The following ANAPC5 variants were observed in gnomAD, a reference collection of about 807,000 sequenced individuals.
The protein encoded by ANAPC5 is anaphase-promoting complex subunit 5.
ANAPC5 carries 60 observed loss-of-function variants against 91.3 expected under a neutral mutation model. That is an observed-to-expected ratio of 0.66 (90% CI 0.53 to 0.81). The LOEUF is 0.81. Ranked by LOEUF, ANAPC5 falls within the 40% of genes least tolerant of loss-of-function variation. ANAPC5 has a pLI of 0.00. For synonymous variants in ANAPC5, 340 were observed against 364.1 expected, an observed-to-expected ratio of 0.93 and a Z score of 0.75; for missense variants, 690 against 931.5, an observed-to-expected ratio of 0.74 and a Z score of 3.37.
intron 16 of ANAPC5, 139 bp from the exon 17 acceptor site, chr12:121,308,830 C>G: frequency 1.3e-6 from 1 of 761,852 alleles, no homozygotes; most frequent in African/African-American, 1.7e-5. Flanking sequence ...AGAGAAAAAA[C>G]AAACCACTAG....
At chr12:121,320,293 T>C (rs967713611) in intron 12 of ANAPC5, 92 bp downstream of exon 12, 4 of 1,246,126 alleles carry the variant, frequency 3.2e-6, no homozygotes, top group Non-Finnish European at 4.6e-6. Flanking sequence ...CTCAATATTA[T>C]TTTTCTGAGG....
At chr12:121,329,814 C>A (rs549022783) in intron 9 of ANAPC5, among the ~76,000 whole-genome samples, 1 of 152,002 alleles carries the variant, frequency 6.6e-6, no homozygotes, top group Admixed American at 6.6e-5. Flanking sequence ...AGGGTTTCAC[C>A]ATGTTGGCCA....
chr12:121,321,979 C>T (rs1296961077), intron 11 of ANAPC5, among the ~76,000 whole-genome samples: 1 of 151,740 alleles, frequency 6.6e-6, no homozygotes, highest in African/African-American at 2.4e-5. Context: ...GATTCTCCTG[C>T]CTCAGCCTCC....
chr12:121,344,951 T>C (rs886382389), intron 4 of ANAPC5, among the ~76,000 whole-genome samples: 1 of 152,238 alleles, frequency 6.6e-6, no homozygotes, highest in African/African-American at 2.4e-5. Flanking sequence ...TCTTAGGGGC[T>C]TCCCCAGATG....
rs1555273345 is a variant in ANAPC5, at chr12:121,335,545, C to T, written c.938G>A (p.Arg313His). 5 of 1,603,994 alleles carry T rather than the reference C, an allele frequency of 3.1e-6. No individual in the cohort carries two copies. The Admixed American group carries it at 5.1e-5, about 16-fold the overall frequency. ...TCTATAAACTTACTAGTGACCGAAG[C>T]GGCAGTGCAGGGCGGCAAGATTCAG... ...AALNLAALHC[R>H]FGHYQQAELA... Residue 313 changes from arginine (R) to histidine (H), a missense_variant, in exon 7 of 17, where the codon CGC (arginine) becomes CAC (histidine). Around this residue, in one of 5 missense-constraint regions of ANAPC5, gnomAD observed 83 missense variants for 150.8 expected, o/e 0.55. Coordinates refer to ENST00000261819, the MANE Select transcript of ANAPC5 (RefSeq NM_016237.5).
intron 16 of ANAPC5, among the ~76,000 whole-genome samples, 156 bp from the exon 17 acceptor site, chr12:121,308,847 GT>G (rs1169939105): frequency 6.6e-6 from 1 of 152,144 alleles, no homozygotes; most frequent in Non-Finnish European, 1.5e-5. Flanking sequence ...CTAGGGTGAG[GT>G]TTTCAAAAAG....
At chr12:121,323,156 T>A (rs531461251) in intron 11 of ANAPC5, among the ~76,000 whole-genome samples, 2 of 152,354 alleles carry the variant, frequency 1.3e-5, no homozygotes, top group African/African-American at 4.8e-5. Context: ...AACTCTGTGC[T>A]TTTCTTCCTC....
intron 5 of ANAPC5, among the ~76,000 whole-genome samples, chr12:121,339,140 C>T (rs566692810): frequency 3.3e-5 from 5 of 151,190 alleles, no homozygotes; most frequent in African/African-American, 1.2e-4. Context: ...CTGCAACCTC[C>T]ACCTCTCAGG....
At chr12:121,340,516 T>C (rs1555273995) in intron 5 of ANAPC5, among the ~76,000 whole-genome samples, 2 of 152,016 alleles carry the variant, frequency 1.3e-5, no homozygotes, top group South Asian at 2.1e-4. Flanking sequence ...TTGAAATTCA[T>C]CTGCAGAGGT....
rs372759993 is a variant in ANAPC5 at position 121,352,377 on chromosome 12, T to G, written c.-37A>C. ...ACTAAGTCTCGGGCCCGCGGCGCGC[T>G]GCCGCCAGTTGTCACCACAAGGCAC... is the stretch of plus-strand genomic sequence containing the variant. On this transcript the variant is annotated 5_prime_UTR_variant, in exon 1 of 17. Transcript: ENST00000261819. 1.7e-4 allele frequency: 255 copies of G among 1,534,396 alleles called. 2 individuals carry two copies. Among genetic ancestry groups the G allele is most frequent in the Admixed American group, 1.5e-3 (76 of 52,152 alleles).
chr12:121,330,482 C>T (rs1305954921), intron 9 of ANAPC5, 101 bp downstream of exon 9: 2 of 893,014 alleles, frequency 2.2e-6, no homozygotes, highest in East Asian at 5.2e-5. Flanking sequence ...CACTTTGAAA[C>T]CCATTCTAAA....
upstream of ANAPC5, among the ~76,000 whole-genome samples, chr12:121,352,718 T>TTGGTGGTGG (rs377308371): frequency 1.5e-4 from 15 of 102,374 alleles, no homozygotes; most frequent in South Asian, 3.7e-4. Context: ...GTTGTTGTTG[T>TTGGTGGTGG]TGGTGGTGGT....
chr12:121,349,258 G>T (rs989692556), intron 1 of ANAPC5, among the ~76,000 whole-genome samples: 2 of 152,148 alleles, frequency 1.3e-5, no homozygotes, highest in Non-Finnish European at 1.5e-5. Flanking sequence ...CATACATTTT[G>T]ATTAAAACTA....
At chr12:121,325,370 G>A (rs1297954994) in intron 11 of ANAPC5, among the ~76,000 whole-genome samples, 1 of 151,916 alleles carries the variant, frequency 6.6e-6, no homozygotes, top group Non-Finnish European at 1.5e-5. Flanking sequence ...GGCTGAGGTA[G>A]GAGAATCGCT....
At chr12:121,326,449 G>T (rs1250027573) in intron 11 of ANAPC5, 3 of 152,226 alleles carry the variant, frequency 2.0e-5, no homozygotes, top group Non-Finnish European at 4.4e-5. Flanking sequence ...AAAGCCTACA[G>T]TAGCAGAAGA....
chr12:121,314,072 A>G (rs1902262844), intron 15 of ANAPC5, among the ~76,000 whole-genome samples: 1 of 152,198 alleles, frequency 6.6e-6, no homozygotes, highest in South Asian at 2.1e-4. Flanking sequence ...CAGGAATGCA[A>G]GGTAGTTCAA....
At chr12:121,330,119 G>A (rs1249241804) in intron 9 of ANAPC5, among the ~76,000 whole-genome samples, 1 of 152,052 alleles carries the variant, frequency 6.6e-6, no homozygotes, top group African/African-American at 2.4e-5. Context: ...GCCACACTTG[G>A]TTTCTGTCAC....
intron 13 of ANAPC5, among the ~76,000 whole-genome samples, chr12:121,319,023 A>G (rs1342079099): frequency 6.6e-6 from 1 of 152,068 alleles, no homozygotes; most frequent in Non-Finnish European, 1.5e-5. Context: ...CTGCCTCAAA[A>G]AAAAAAAATG....
intron 6 of ANAPC5, among the ~76,000 whole-genome samples, chr12:121,336,768 G>C (rs1207843841): frequency 4.6e-5 from 7 of 152,208 alleles, no homozygotes; most frequent in Non-Finnish European, 1.0e-4. Flanking sequence ...GATGATGACT[G>C]AAAGAGAACA....
Sources: allele counts gnomAD v4.1 joint callset (sites outside exome capture counted in the v4.1 genomes callset), GRCh38; gene constraint gnomAD v4.1.1; regional missense constraint gnomAD v4.1.1; transcripts MANE v1.5; gene names NCBI Gene and HGNC (gene_info 2026-07-23, HGNC 2026-07-21).